DAGLB: variants seen among roughly 807,000 people sequenced by gnomAD.
The protein encoded by DAGLB is diacylglycerol lipase beta.
A neutral mutation model predicts 72.1 loss-of-function variants in DAGLB; 66 were observed. That is an observed-to-expected ratio of 0.92 (90% CI 0.75 to 1.12). DAGLB has a LOEUF of 1.12. Among genes scored for constraint, DAGLB ranks in the 50% most tolerant of loss-of-function variants. DAGLB has a pLI of 0.00. For synonymous variants in DAGLB, 414 were observed against 359.5 expected, an observed-to-expected ratio of 1.15 and a Z score of -1.71; for missense variants, 1,065 against 884.9, an observed-to-expected ratio of 1.20 and a Z score of -2.58.
At chr7:6,434,645 A>C (rs1784596470) in intron 4 of DAGLB, 117 bp downstream of exon 4, 5 of 1,521,238 alleles carry the variant, frequency 3.3e-6, no homozygotes, top group Non-Finnish European at 4.4e-6. Context: ...GCCACCCCCC[A>C]CACACCCAAA....
At chr7:6,432,567 G>A (rs1418115510) in intron 5 of DAGLB, among the ~76,000 whole-genome samples, 13 of 151,754 alleles carry the variant, frequency 8.6e-5, no homozygotes, top group African/African-American at 3.1e-4. Context: ...GGCTGGGGCA[G>A]GAGAATGGTG....
At chr7:6,423,355 GGAGA>G (rs1238560899) in intron 8 of DAGLB, among the ~76,000 whole-genome samples, 6 of 152,178 alleles carry the variant, frequency 3.9e-5, no homozygotes, top group African/African-American at 1.2e-4. Context: ...CGCTGGAAAT[GGAGA>G]GAGGGCCACA....
chr7:6,431,824 T>A (rs1300426032), intron 5 of DAGLB, among the ~76,000 whole-genome samples: 3 of 152,164 alleles, frequency 2.0e-5, no homozygotes, highest in Non-Finnish European at 4.4e-5. Flanking sequence ...AGGAATGGGT[T>A]CCCACTACCT....
At chr7:6,444,067 G>A (rs959183564) in intron 2 of DAGLB, among the ~76,000 whole-genome samples, 14 of 152,046 alleles carry the variant, frequency 9.2e-5, no homozygotes, top group Non-Finnish European at 7.4e-5. Flanking sequence ...AGGAGTTCAA[G>A]ATCAGTCTAA....
At chr7:6,435,957 C>T (rs945753580) in intron 3 of DAGLB, among the ~76,000 whole-genome samples, 2 of 152,090 alleles carry the variant, frequency 1.3e-5, no homozygotes, top group African/African-American at 4.8e-5. Context: ...GAATATTATT[C>T]CCTGTCCCAC....
intron 9 of DAGLB, among the ~76,000 whole-genome samples, chr7:6,418,447 A>T (rs112679186): frequency 2.0e-5 from 3 of 152,292 alleles, no homozygotes; most frequent in South Asian, 2.1e-4. Flanking sequence ...CCCTAAAAAA[A>T]TTTTTAAAAA....
chr7:6,413,070 CG>C, intron 11 of DAGLB, 36 bp from the exon 12 acceptor site: 2 of 1,602,196 alleles, frequency 1.2e-6, no homozygotes, highest in Non-Finnish European at 1.7e-6. Flanking sequence ...GTTAGCTTTA[CG>C]ATGACACTGC....
intron 6 of DAGLB, among the ~76,000 whole-genome samples, chr7:6,430,251 A>G (rs1237180981): frequency 8.4e-5 from 2 of 23,792 alleles, no homozygotes; most frequent in South Asian, 2.0e-3. Context: ...ATACATGTGC[A>G]TATATATATA....
rs762087650 is a variant in DAGLB at position 6,447,834 on chromosome 7, C to T, written c.9G>A (p.Gly3=). The change falls in exon 1 of 15, where the codon GGG becomes GGA. Residue 3 remains glycine (G), a synonymous_variant. Transcript: ENST00000297056. Reference sequence around the variant, plus strand: ...CCCAGCGCCGGCCGAAGAGTACCATCCCCGGCATGGCGAAGGTCCCGTAGC... The same window carrying T: ...CCCAGCGCCGGCCGAAGAGTACCATTCCCGGCATGGCGAAGGTCCCGTAGC... MP[G]MVLFGRRWAI... 16 of 1,611,714 alleles carry T rather than the reference C, an allele frequency of 9.9e-6. No individual in the cohort carries two copies. Among genetic ancestry groups the T allele is most frequent in the East Asian group, 2.2e-5 (1 of 44,740 alleles).
chr7:6,433,838 C>T (rs545976908), intron 4 of DAGLB, among the ~76,000 whole-genome samples: 41 of 134,352 alleles, frequency 3.1e-4, no homozygotes, highest in Non-Finnish European at 4.0e-4. Context: ...GGTGACAAAA[C>T]GAGACCTTGT....
intron 8 of DAGLB, among the ~76,000 whole-genome samples, chr7:6,424,259 G>C (rs1391512132): frequency 6.6e-6 from 1 of 152,248 alleles, no homozygotes; most frequent in Non-Finnish European, 1.5e-5. Flanking sequence ...GGGGCCATGG[G>C]CTGGGGATGG....
intron 13 of DAGLB, 146 bp from the exon 14 acceptor site, chr7:6,410,526 G>A (rs1213601251): frequency 1.6e-5 from 20 of 1,262,206 alleles, no homozygotes; most frequent in South Asian, 1.2e-4. Context: ...ATGCACCGGC[G>A]AGCTGTGCTG....
chr7:6,418,624 A>T (rs891985056), intron 9 of DAGLB, among the ~76,000 whole-genome samples: 3 of 151,254 alleles, frequency 2.0e-5, no homozygotes, highest in African/African-American at 7.3e-5. Flanking sequence ...AGAAGATGGG[A>T]GATGGTTTTT....
chr7:6,412,132 C>G (rs1783748869), intron 13 of DAGLB, among the ~76,000 whole-genome samples: 1 of 152,110 alleles, frequency 6.6e-6, no homozygotes, highest in African/African-American at 2.4e-5. Flanking sequence ...CCACTCTGGT[C>G]TCGATCTCCT....
chr7:6,424,664 G>A (rs1784245164), intron 8 of DAGLB, 88 bp downstream of exon 8: 5 of 1,266,738 alleles, frequency 3.9e-6, no homozygotes, highest in Non-Finnish European at 5.7e-6. Context: ...GTCTCATGCG[G>A]TTACTGACGG....
chr7:6,412,972 A>T lies in DAGLB; in HGVS notation c.1490T>A (p.Ile497Asn). 6.2e-7 allele frequency: 1 copy of T among 1,613,978 alleles called. No individual in the cohort carries two copies. Among genetic ancestry groups the T allele is most frequent in the Non-Finnish European group, 8.5e-7 (1 of 1,179,924 alleles). ...IVSLVLGKDV[I>N]PRLSVTNLED... ...CAGCACCAGGTGGGCTTACCTGGGA[A>T]TCACATCCTTCCCCAGGACGAGTGA... Residue 497 changes from isoleucine (I) to asparagine (N), a missense_variant, in exon 12 of 15, where the codon ATT becomes AAT. Transcript: ENST00000297056.
chr7:6,427,684 G>A (rs774559475), intron 6 of DAGLB, among the ~76,000 whole-genome samples: 4 of 152,100 alleles, frequency 2.6e-5, no homozygotes, highest in East Asian at 1.9e-4. Flanking sequence ...TTGGGAGACC[G>A]AGGCAGGTGA....
intron 2 of DAGLB, among the ~76,000 whole-genome samples, chr7:6,442,948 C>T (rs961011676): frequency 6.8e-6 from 1 of 147,612 alleles, no homozygotes; most frequent in African/African-American, 2.5e-5. Flanking sequence ...CTGAGGCGGG[C>T]GGATCACGAG....
At chr7:6,435,113 T>C in intron 3 of DAGLB, 93 bp from the exon 4 acceptor site, 3 of 1,537,904 alleles carry the variant, frequency 2.0e-6, no homozygotes, top group South Asian at 2.4e-5. Flanking sequence ...AGTTTCTGAG[T>C]CTCTACCACG....
Sources: allele counts gnomAD v4.1 joint callset (sites outside exome capture counted in the v4.1 genomes callset), GRCh38; gene constraint gnomAD v4.1.1; transcripts MANE v1.5; gene names NCBI Gene and HGNC (gene_info 2026-07-23, HGNC 2026-07-21).